ERBB4: variants seen among roughly 807,000 people sequenced by gnomAD.
The protein encoded by ERBB4 is receptor tyrosine-protein kinase erbB-4.
Under a neutral mutation model 158.0 loss-of-function variants are expected in ERBB4, and 42 were observed. The ratio of observed to expected loss-of-function variants is 0.27; its 90% CI spans 0.21 to 0.34. The LOEUF (loss-of-function observed/expected upper bound fraction) is 0.34, where lower values mean the gene tolerates loss of function less well. Ranked by LOEUF, ERBB4 falls within the 10% of genes least tolerant of loss-of-function variation. The pLI, the probability that ERBB4 is intolerant of heterozygous loss-of-function variation, is 1.00. For missense variants in ERBB4, 1,333 were observed against 1,624.1 expected (o/e 0.82, Z 3.08); for synonymous variants, 583 against 558.7 (o/e 1.04, Z -0.61).
chr2:212,000,187 T>G (rs566257126), intron 2 of ERBB4, among the ~76,000 whole-genome samples: 1 of 151,836 alleles, frequency 6.6e-6, no homozygotes, highest in Non-Finnish European at 1.5e-5. Context: ...TATTTTGATA[T>G]TCATCAATAT....
intron 20 of ERBB4, among the ~76,000 whole-genome samples, chr2:211,446,238 G>C (rs944585974): frequency 5.3e-5 from 8 of 152,098 alleles, no homozygotes; most frequent in African/African-American, 1.4e-4. Context: ...TCAGGGTAAA[G>C]ATTGCCAAAG....
chr2:211,474,674 C>A (rs752689444), intron 20 of ERBB4, among the ~76,000 whole-genome samples: 1 of 151,996 alleles, frequency 6.6e-6, no homozygotes, highest in Admixed American at 6.6e-5. Context: ...TCAAAACATT[C>A]TAACCAAGTA....
At chr2:212,096,924 T>A (rs1182090188) in intron 2 of ERBB4, among the ~76,000 whole-genome samples, 1 of 152,176 alleles carries the variant, frequency 6.6e-6, no homozygotes, top group Non-Finnish European at 1.5e-5. Flanking sequence ...TGCTCTATTA[T>A]TATTATGTGC....
At chr2:211,526,119 A>T (rs953422174) in intron 20 of ERBB4, among the ~76,000 whole-genome samples, 27 of 152,046 alleles carry the variant, frequency 1.8e-4, no homozygotes, top group Admixed American at 1.7e-3. Context: ...TAACAAGGTA[A>T]TAGTTTCAGT....
chr2:211,702,214 G>T, intron 11 of ERBB4, 48 bp from the exon 12 acceptor site: 1 of 1,338,522 alleles, frequency 7.5e-7, no homozygotes, highest in Non-Finnish European at 1.1e-6. Flanking sequence ...GCATTCCGGA[G>T]TAAAATAAGG....
intron 1 of ERBB4, among the ~76,000 whole-genome samples, chr2:212,422,704 C>A (rs1449009387): frequency 6.6e-6 from 1 of 152,224 alleles, no homozygotes; most frequent in Non-Finnish European, 1.5e-5. Context: ...CAGTGATCTA[C>A]CATTATAAGA....
chr2:211,986,202 A>C (rs2081933156), intron 2 of ERBB4, among the ~76,000 whole-genome samples: 1 of 152,126 alleles, frequency 6.6e-6, no homozygotes, highest in African/African-American at 2.4e-5. Context: ...TCAACAAGGA[A>C]CCAATCCTGC....
chr2:211,740,756 G>A (rs1260308578), intron 5 of ERBB4, among the ~76,000 whole-genome samples: 1 of 150,390 alleles, frequency 6.6e-6, no homozygotes, highest in African/African-American at 2.4e-5. Flanking sequence ...GACTATAGGC[G>A]CCCGCCACCA....
chr2:212,092,730 G>A (rs2078816298), intron 2 of ERBB4, among the ~76,000 whole-genome samples: 1 of 152,012 alleles, frequency 6.6e-6, no homozygotes, highest in African/African-American at 2.4e-5. Context: ...GGATATTGTA[G>A]TACAATAAAA....
chr2:212,181,257 A>C (rs1165811205), intron 1 of ERBB4, among the ~76,000 whole-genome samples: 1 of 151,540 alleles, frequency 6.6e-6, no homozygotes, highest in African/African-American at 2.4e-5. Flanking sequence ...TATTTTTCAG[A>C]TGTTTAGCTT....
chr2:212,272,942 C>A (rs1257151801), intron 1 of ERBB4, among the ~76,000 whole-genome samples: 1 of 151,442 alleles, frequency 6.6e-6, no homozygotes, highest in Non-Finnish European at 1.5e-5. Context: ...ATATAAATAT[C>A]CCTACTATAA....
intron 3 of ERBB4, among the ~76,000 whole-genome samples, chr2:211,843,953 C>G (rs1559567188): frequency 6.6e-6 from 1 of 151,968 alleles, no homozygotes. Context: ...AATGAATTGC[C>G]AACTTTTCAC....
At position 211,705,298 on chromosome 2, in the gene ERBB4, G is replaced by C; in HGVS notation, c.1198+20C>G. On this transcript the variant is annotated intron_variant, in intron 10 of 27. Coordinates refer to ENST00000342788, the MANE Select transcript of ERBB4 (RefSeq NM_005235.3). Reference sequence around the variant, plus strand: ...AAATTATATTGTTCATAGCGCAACAGTTGCAGTTTAAAAAATTACCTGTTA... The same window carrying C: ...AAATTATATTGTTCATAGCGCAACACTTGCAGTTTAAAAAATTACCTGTTA... The C allele has an allele frequency of 6.6e-7, 1 of 1,523,238 alleles. No individual in the cohort carries two copies. The highest frequency in any genetic ancestry group is 1.1e-5 in the South Asian group (1 of 89,250). 94.4% of individuals were successfully genotyped at this position (1,523,238 alleles called of 1,614,324 possible).
Position 211,378,280 on chromosome 2 carries a change from T to A in ERBB4, c.*5335A>T. 1 of 232,844 alleles carries A rather than the reference T, an allele frequency of 4.3e-6. No homozygotes were observed. Among genetic ancestry groups the A allele is most frequent in the Non-Finnish European group, 8.5e-6 (1 of 117,638 alleles). 14.4% of individuals were successfully genotyped at this position (232,844 alleles called of 1,614,324 possible). On this transcript the variant is annotated 3_prime_UTR_variant, in exon 28 of 28. Coordinates refer to ENST00000342788, the MANE Select transcript of ERBB4 (RefSeq NM_005235.3). ...AGCATGTGAATACCCCCCGTGAAAT[T>A]GGGGCTTAGAGTCATTTTAGCTTGT...
chr2:211,724,546 G>A (rs1041850377), intron 6 of ERBB4, among the ~76,000 whole-genome samples: 3 of 151,556 alleles, frequency 2.0e-5, no homozygotes, highest in African/African-American at 7.3e-5. Context: ...GTATGCCAAA[G>A]ACAAAGAGTA....
intron 20 of ERBB4, among the ~76,000 whole-genome samples, chr2:211,558,307 C>T (rs917008792): frequency 2.0e-5 from 3 of 152,104 alleles, no homozygotes; most frequent in African/African-American, 7.2e-5. Context: ...TGGTCCCTTC[C>T]TCCATCTTCA....
chr2:211,589,422 A>G (rs2125788930), intron 19 of ERBB4, among the ~76,000 whole-genome samples: 1 of 152,302 alleles, frequency 6.6e-6, no homozygotes, highest in East Asian at 1.9e-4. Context: ...AACATTTCAA[A>G]AACATTAAAA....
At chr2:212,186,258 T>C (rs952613033) in intron 1 of ERBB4, among the ~76,000 whole-genome samples, 1 of 152,166 alleles carries the variant, frequency 6.6e-6, no homozygotes, top group Admixed American at 6.5e-5. Flanking sequence ...CCTTGTGCCA[T>C]CTTTGTTAAG....
intron 9 of ERBB4, among the ~76,000 whole-genome samples, chr2:211,706,657 GA>G (rs2073456407): frequency 6.7e-6 from 1 of 149,342 alleles, no homozygotes; most frequent in Admixed American, 6.7e-5. Flanking sequence ...TTCAAACTAA[GA>G]AGTGCAATCA....
Sources: gnomAD v4.1 joint callset for allele counts (sites outside exome capture counted in the v4.1 genomes callset) on GRCh38, gnomAD v4.1.1 for gene constraint, MANE v1.5 for transcripts, NCBI Gene and HGNC (gene_info 2026-07-23, HGNC 2026-07-21) for gene names.